The following DNAAF1 variants were observed in gnomAD, a reference collection of about 807,000 sequenced individuals.
DNAAF1 encodes the protein dynein assembly factor 1, axonemal.
DNAAF1 carries 65 observed loss-of-function variants against 71.1 expected under a neutral mutation model. The observed-to-expected ratio is 0.91, with a 90% CI of 0.75 to 1.12. The LOEUF is 1.12. Among genes scored for constraint, DNAAF1 ranks in the 50% most tolerant of loss-of-function variants. The pLI is 0.00. For synonymous variants in DNAAF1, 414 were observed against 354.6 expected (o/e 1.17, Z -1.88); for missense variants, 1,178 against 899.8 (o/e 1.31, Z -3.96).
At chr16:84,177,658 C>T (rs1251611986) in intron 11 of DNAAF1, 71 bp from the exon 12 acceptor site, 3 of 1,383,520 alleles carry the variant, frequency 2.2e-6, no homozygotes, top group Admixed American at 1.7e-5. Flanking sequence ...TGGACTGAAC[C>T]CCAAGGCTGC....
intron 4 of DNAAF1, 73 bp downstream of exon 4, chr16:84,154,871 T>A (rs1236855228): frequency 1.6e-6 from 2 of 1,273,554 alleles, no homozygotes; most frequent in Non-Finnish European, 2.3e-6. Context: ...TGTTCTAAGC[T>A]TTTATATTAT....
At chr16:84,159,565 A>G (rs80353755) in intron 5 of DNAAF1, 110 bp from the exon 6 acceptor site, 16 of 1,456,650 alleles carry the variant, frequency 1.1e-5, no homozygotes, top group Non-Finnish European at 1.4e-5. Context: ...TGGCACTTCT[A>G]TTTTGCTCAA....
chr16:84,170,065 G>T lies in DNAAF1; in HGVS notation c.1237G>T (p.Glu413Ter), dbSNP rs760066805. The part of the protein sequence containing the change: ...AKREDGGPEP[E>*]GTLPAETLLL... ...AAGAGAGGATGGAGGTCCAGAGCCA[G>T]AGGGGACCCTCCCAGCTGAGACCCT... The change falls in exon 8 of 12, where the codon GAG becomes TAG. Residue 413 changes from glutamate (E) to a stop codon, truncating the protein, a stop_gained. Transcript: ENST00000378553. LOFTEE classifies it high-confidence loss of function. 1 of 1,613,640 alleles carries T rather than the reference G, an allele frequency of 6.2e-7. No individual in the cohort carries two copies. Among genetic ancestry groups the T allele is most frequent in the Admixed American group, 1.7e-5 (1 of 60,012 alleles).
chr16:84,163,120 G>C (rs1311556800), intron 6 of DNAAF1, among the ~76,000 whole-genome samples: 1 of 152,144 alleles, frequency 6.6e-6, no homozygotes, highest in East Asian at 1.9e-4. Flanking sequence ...AGAAATTAGG[G>C]TTGTTTTCAC....
chr16:84,147,513 T>G (rs16962877), intron 1 of DNAAF1, among the ~76,000 whole-genome samples: 1 of 152,028 alleles, frequency 6.6e-6, no homozygotes, highest in Admixed American at 6.5e-5. Flanking sequence ...ATTTTCCTTT[T>G]TATGATTTTT....
chr16:84,152,915 C>T (rs955578577), intron 3 of DNAAF1, among the ~76,000 whole-genome samples: 4 of 149,726 alleles, frequency 2.7e-5, no homozygotes, highest in Non-Finnish European at 4.4e-5. Context: ...CGAGATTGTG[C>T]AATTGCACTC....
chr16:84,176,349 C>T (rs1244206175), intron 11 of DNAAF1, 50 bp downstream of exon 11: 1 of 1,611,172 alleles, frequency 6.2e-7, no homozygotes, highest in Non-Finnish European at 8.5e-7. Context: ...GGCTCCCCGG[C>T]CTGGGATGGG....
chr16:84,176,477 GC>G, intron 11 of DNAAF1, 178 bp downstream of exon 11: 3 of 998,856 alleles, frequency 3.0e-6, no homozygotes, highest in Non-Finnish European at 3.0e-6. Flanking sequence ...GTCTGAAGCT[GC>G]CACTTGCTGG....
chr16:84,153,259 A>G (rs1431159226), intron 3 of DNAAF1, among the ~76,000 whole-genome samples: 1 of 152,162 alleles, frequency 6.6e-6, no homozygotes, highest in Non-Finnish European at 1.5e-5. Context: ...GCAAGGAGGG[A>G]GAGCATCAGG....
intron 1 of DNAAF1, 82 bp from the exon 2 acceptor site, chr16:84,148,925 T>C: frequency 6.7e-7 from 1 of 1,502,530 alleles, no homozygotes; most frequent in Admixed American, 1.7e-5. Flanking sequence ...TAAAAGTGGA[T>C]GGTCATTAAC....
intron 1 of DNAAF1, among the ~76,000 whole-genome samples, chr16:84,147,899 C>G (rs1018496949): frequency 1.3e-5 from 2 of 152,084 alleles, no homozygotes; most frequent in African/African-American, 4.8e-5. Context: ...AACCCCGTCT[C>G]TACTAAAAAT....
intron 8 of DNAAF1, among the ~76,000 whole-genome samples, 193 bp from the exon 9 acceptor site, chr16:84,172,067 G>A (rs529291256): frequency 2.0e-5 from 3 of 151,602 alleles, no homozygotes; most frequent in South Asian, 2.1e-4. Context: ...TAATAGACAC[G>A]GGGGTTTCAC....
intron 6 of DNAAF1, among the ~76,000 whole-genome samples, chr16:84,160,827 C>T (rs1452160522): frequency 2.1e-5 from 3 of 144,534 alleles, no homozygotes; most frequent in Admixed American, 6.8e-5. Context: ...CCCAGCTACT[C>T]GAGTGGAGGC....
rs4782899 is a variant in DNAAF1 at position 84,175,892 on chromosome 16, T to C, written c.1699-41T>C. 0.35 allele frequency: 555,865 copies of C among 1,608,462 alleles called. 99,688 individuals carry two copies. Among genetic ancestry groups the C allele is most frequent in the Admixed American group, 0.44 (26,673 of 59,984 alleles). ...GGTGCATTGTAGAGCGATTCTGTTG[T>C]GAAAACAGAAACTTTCAGACACCTT... On this transcript the variant is annotated intron_variant, in intron 10 of 11. Transcript: ENST00000378553.
chr16:84,146,165 G>A (rs958816224), intron 1 of DNAAF1, among the ~76,000 whole-genome samples: 1 of 152,152 alleles, frequency 6.6e-6, no homozygotes. Flanking sequence ...TGGGTCTCCA[G>A]AGCCCCAGCC....
Position 84,176,098 on chromosome 16 carries a change from A to C in DNAAF1, c.1864A>C (p.Thr622Pro), listed in dbSNP as rs922771205. The change falls in exon 11 of 12, where the codon ACA (threonine) becomes CCA (proline). Residue 622 changes from threonine (T) to proline (P), a missense_variant. Thr to Pro is a conservative substitution (Grantham distance 38). Transcript: ENST00000378553. The part of the protein sequence containing the change: ...DTSKAARVPF[T>P]DIFKKEAKRD... ...CTCAAAGGCGGCTCGGGTGCCCTTCACAGACATCTTTAAAAAAGAAGCTAA... is the reference window on the plus strand; with the variant it reads ...CTCAAAGGCGGCTCGGGTGCCCTTCCCAGACATCTTTAAAAAAGAAGCTAA... 4 of 1,613,924 alleles carry C rather than the reference A, an allele frequency of 2.5e-6. No individual in the cohort carries two copies. The highest frequency in any genetic ancestry group is 4.5e-5 in the East Asian group (2 of 44,870).
chr16:84,170,774 G>C (rs111826771), intron 8 of DNAAF1, among the ~76,000 whole-genome samples: 398 of 152,274 alleles, frequency 2.6e-3, no homozygotes, highest in African/African-American at 9.2e-3. Context: ...TGAGGCTGCA[G>C]TGAGCCAAGA....
chr16:84,150,306 C>A lies in DNAAF1; in HGVS notation c.316C>A (p.Pro106Thr), dbSNP rs34794654. The A allele has an allele frequency of 6.2e-7, 1 of 1,613,930 alleles. No individual in the cohort carries two copies. Residue 106 changes from proline (P) to threonine (T), a missense_variant, in exon 3 of 12, where the codon CCA becomes ACA. Transcript: ENST00000378553. Reference protein sequence around the residue: ...LCKQHKLYITPALNDTLYLHF... With the variant: ...LCKQHKLYITTALNDTLYLHF... Reference sequence around the variant, plus strand: ...CAAGCAGCACAAGCTTTATATTACCCCAGCATTGAATGATACGCTGTATTT... The same window carrying A: ...CAAGCAGCACAAGCTTTATATTACCACAGCATTGAATGATACGCTGTATTT...
intron 8 of DNAAF1, among the ~76,000 whole-genome samples, chr16:84,171,753 T>A (rs982219453): frequency 6.6e-6 from 1 of 152,144 alleles, no homozygotes; most frequent in African/African-American, 2.4e-5. Context: ...CTTCATCTCA[T>A]GGGATTCGCC....
Sources: allele counts gnomAD v4.1 joint callset (sites outside exome capture counted in the v4.1 genomes callset), GRCh38; gene constraint gnomAD v4.1.1; transcripts MANE v1.5; gene names NCBI Gene and HGNC (gene_info 2026-07-23, HGNC 2026-07-21).